Variants in TENM4 observed in about 807,000 individuals in gnomAD.
TENM4 encodes teneurin-4.
TENM4 carries 82 observed loss-of-function variants against 243.3 expected under a neutral mutation model. The ratio of observed to expected loss-of-function variants is 0.34; its 90% confidence interval spans 0.28 to 0.40. The LOEUF (loss-of-function observed/expected upper bound fraction) is 0.40, where lower values mean the gene tolerates loss of function less well. TENM4 is among the 10% of genes least tolerant of loss of function. TENM4 has a pLI of 1.00. For synonymous variants in TENM4, 1,412 were observed against 1,456.3 expected, an observed-to-expected ratio of 0.97 and a Z score of 0.69; for missense variants, 3,138 against 3,673.3, an observed-to-expected ratio of 0.85 and a Z score of 3.77.
intron 6 of TENM4, among the ~76,000 whole-genome samples, chr11:78,968,273 T>G (rs759005350): frequency 1.3e-5 from 2 of 152,196 alleles, no homozygotes; most frequent in South Asian, 2.1e-4. Context: ...TGTAGCACCA[T>G]GAGCCAAATA....
rs1379820468 is a variant in TENM4, at chr11:78,780,853, C to T, written c.2366-2225G>A. ...AGAAAATCAGTGGAAATGATGGAGG[C>T]AGGCTCAGGTTACCATCAGCACTGT... On this transcript the variant is annotated intron_variant, in intron 16 of 33. Coordinates refer to ENST00000278550, the MANE Select transcript of TENM4 (RefSeq NM_001098816.3). Among the ~76,000 whole-genome samples the T allele has an allele frequency of 2.0e-5, 3 of 152,220 alleles. No homozygotes were observed. The East Asian group carries it at 5.8e-4, about 29-fold the overall frequency.
intron 4 of TENM4, among the ~76,000 whole-genome samples, chr11:79,140,998 G>A (rs1862275319): frequency 1.3e-5 from 2 of 152,016 alleles, no homozygotes; most frequent in South Asian, 4.1e-4. Context: ...AAAAGTACCA[G>A]GTTGCCTCCC....
In TENM4 at chr11:78,773,016, G is replaced by C. The variant is rs78128915; in HGVS notation, c.2393-1878C>G. 8.4e-3 allele frequency among the ~76,000 whole-genome samples: 1,284 copies of C among 152,320 alleles called. 18 individuals carry two copies. Among genetic ancestry groups the C allele is most frequent in the African/African-American group, 0.03 (1,239 of 41,588 alleles). On this transcript the variant is annotated intron_variant, in intron 17 of 33. Coordinates refer to ENST00000278550, the MANE Select transcript of TENM4 (RefSeq NM_001098816.3). ...GGCGGCTATCCAGGCAATCTGACTT[G>C]GTTGCCAACATCAGCCACCATTAGT...
At chr11:78,710,845 G>A (rs946062791) in intron 26 of TENM4, among the ~76,000 whole-genome samples, 1 of 152,222 alleles carries the variant, frequency 6.6e-6, no homozygotes, top group Non-Finnish European at 1.5e-5. Flanking sequence ...GTGTGAGGGT[G>A]GGGGGCCACG....
chr11:79,010,685 G>A (rs1468907042), intron 6 of TENM4, among the ~76,000 whole-genome samples: 7 of 151,988 alleles, frequency 4.6e-5, no homozygotes, highest in Admixed American at 3.9e-4. Flanking sequence ...TTACTATCAC[G>A]GGAACAGCAG....
chr11:79,440,127 T>C lies in TENM4; in HGVS notation c.-321+382A>G, dbSNP rs905250096. 1.3e-4 allele frequency among the ~76,000 whole-genome samples: 20 copies of C among 152,066 alleles called. No homozygotes were observed. The highest frequency in any genetic ancestry group is 2.6e-4 in the Non-Finnish European group (18 of 67,990). On this transcript the variant is annotated intron_variant, in intron 1 of 33. Transcript: ENST00000278550. The surrounding 1 kb of genome is among the most constrained non-coding windows in gnomAD (Gnocchi z 4.7). ...GACGGGGGCCTGGGGCGAGCTAGTCTGCAGAGGGGCTGCAGGCGACCGGGC... is the reference window on the plus strand; with the variant it reads ...GACGGGGGCCTGGGGCGAGCTAGTCCGCAGAGGGGCTGCAGGCGACCGGGC...
intron 3 of TENM4, among the ~76,000 whole-genome samples, chr11:79,178,283 T>C (rs1455111814): frequency 1.3e-5 from 2 of 152,044 alleles, no homozygotes; most frequent in South Asian, 4.1e-4. Context: ...CTGTTGCCTG[T>C]TTAGAGGGAT....
chr11:78,669,076 C>T lies in TENM4; in HGVS notation c.7269G>A (p.Val2423=), dbSNP rs990679806. ...CTGGGCTAGTCCAGCGTCCGGCCAGCACATCATAATCTCGCCGGCCCATGT... is the reference window on the plus strand; with the variant it reads ...CTGGGCTAGTCCAGCGTCCGGCCAGTACATCATAATCTCGCCGGCCCATGT... The part of the protein sequence containing the change: ...LVHMGRRDYD[V]LAGRWTSPDH... The change falls in exon 32 of 34, where the codon GTG becomes GTA. Residue 2423 remains valine (V), a synonymous_variant. Transcript: ENST00000278550. This position sits in a 1 kb window ranked among gnomAD's most constrained non-coding sequence, Gnocchi z 6.4. 9.9e-6 allele frequency: 16 copies of T among 1,613,810 alleles called. No individual in the cohort carries two copies. The highest frequency in any genetic ancestry group is 1.3e-5 in the Non-Finnish European group (15 of 1,179,882).
At chr11:79,036,240 G>A (rs1435466) in intron 6 of TENM4, among the ~76,000 whole-genome samples, 141,673 of 152,268 alleles carry the variant, frequency 0.93, 66,615 homozygotes, top group Middle Eastern at 0.98. Flanking sequence ...CAGGACACTC[G>A]TCCACCCAAG....
intron 15 of TENM4, among the ~76,000 whole-genome samples, chr11:78,800,872 G>C (rs1857268362): frequency 6.6e-6 from 1 of 152,038 alleles, no homozygotes. Context: ...GTGAGGGTTG[G>C]GGGAGAAAAG....
At chr11:79,361,733 T>C (rs546868) in intron 1 of TENM4, among the ~76,000 whole-genome samples, 118,077 of 152,092 alleles carry the variant, frequency 0.78, 46,095 homozygotes, top group African/African-American at 0.82. Flanking sequence ...TTATTTAAAC[T>C]GTGTGTTATA....
chr11:79,201,499 A>G (rs1863735358), intron 3 of TENM4, among the ~76,000 whole-genome samples: 1 of 21,878 alleles, frequency 4.6e-5, no homozygotes, highest in Non-Finnish European at 8.9e-5. Flanking sequence ...AGAAATAACC[A>G]GGCAAAAAAA....
rs879746884 is a variant in TENM4 at position 78,657,892 on chromosome 11, G to C, written c.*166C>G. ...CAAAAAATGTGCGAAGGCCAAATCT[G>C]TGTTTTTCTTTTCTAAAAAAAAGGA... On this transcript the variant is annotated 3_prime_UTR_variant, in exon 34 of 34. Coordinates refer to ENST00000278550, the MANE Select transcript of TENM4 (RefSeq NM_001098816.3). 3 of 1,131,626 alleles carry C rather than the reference G, an allele frequency of 2.7e-6. No individual in the cohort carries two copies. In the African/African-American group the frequency reaches 4.6e-5, roughly 17 times the overall value. The allele number at this position is 1,131,626 out of a possible 1,614,324, so 70.1% of individuals were successfully genotyped here. A position where few individuals can be genotyped will look rare whatever the true frequency, so the allele number is the denominator to read the frequency against.
At chr11:79,180,405 C>G (rs1863258312) in intron 3 of TENM4, among the ~76,000 whole-genome samples, 1 of 151,580 alleles carries the variant, frequency 6.6e-6, no homozygotes, top group African/African-American at 2.4e-5. Flanking sequence ...GAAGAAGCAT[C>G]ATAGTGCAGT....
chr11:78,704,980 C>A (rs929758951), intron 27 of TENM4, among the ~76,000 whole-genome samples: 5 of 152,210 alleles, frequency 3.3e-5, no homozygotes, highest in Non-Finnish European at 7.3e-5. Context: ...TCTGTCCCTG[C>A]AGAGCCAGGG....
intron 4 of TENM4, among the ~76,000 whole-genome samples, chr11:79,079,424 T>A (rs1860610704): frequency 6.6e-6 from 1 of 152,136 alleles, no homozygotes; most frequent in Non-Finnish European, 1.5e-5. Flanking sequence ...CATCAACAGA[T>A]GGTATTATGG....
At chr11:79,047,735 G>A (rs892104075) in intron 6 of TENM4, among the ~76,000 whole-genome samples, 15 of 152,268 alleles carry the variant, frequency 9.9e-5, no homozygotes, top group African/African-American at 2.9e-4. Context: ...TTTGAATTCA[G>A]CCTTATTAGG....
chr11:79,164,824 G>A (rs967101739), intron 3 of TENM4, among the ~76,000 whole-genome samples: 20 of 151,854 alleles, frequency 1.3e-4, no homozygotes, highest in Admixed American at 1.1e-3. Context: ...GGTAAGAAGT[G>A]CCTTTCACCT....
At chr11:79,215,962 A>G (rs17828379) in intron 2 of TENM4, 53 bp from the exon 3 acceptor site, 22,509 of 625,756 alleles carry the variant, frequency 0.036, 432 homozygotes, top group Middle Eastern at 0.039. Context: ...AGATGCCCCA[A>G]TCCTTTCTCA....
Sources: gnomAD v4.1 joint callset for allele counts (sites outside exome capture counted in the v4.1 genomes callset) on GRCh38, gnomAD v4.1.1 for gene constraint, Gnocchi (gnomAD v3.1) non-coding constraint, MANE v1.5 for transcripts, NCBI Gene and HGNC (gene_info 2026-07-23, HGNC 2026-07-21) for gene names.